ZFPM1: variants seen among roughly 807,000 people sequenced by gnomAD.
ZFPM1 encodes the protein zinc finger protein, FOG family member 1.
Under a neutral mutation model 46.3 loss-of-function variants are expected in ZFPM1, and 28 were observed. The observed-to-expected ratio is 0.60, with a 90% CI of 0.45 to 0.83. The LOEUF is 0.83. ZFPM1 is among the 40% of genes least tolerant of loss of function. The pLI, the probability that ZFPM1 is intolerant of heterozygous loss-of-function variation, is 0.00. For synonymous variants in ZFPM1, 957 were observed against 675.9 expected, an observed-to-expected ratio of 1.42 and a Z score of -6.45; for missense variants, 1,878 against 1,432.4, an observed-to-expected ratio of 1.31 and a Z score of -5.02.
At chr16:88,519,048 A>AGATGGATGGATGGATG (rs371844825) in intron 4 of ZFPM1, among the ~76,000 whole-genome samples, 8 of 107,924 alleles carry the variant, frequency 7.4e-5, no homozygotes, top group East Asian at 3.3e-4. Context: ...GTGGATGGAT[A>AGATGGATGGATGGATG]GATGGATGGA....
intron 1 of ZFPM1, among the ~76,000 whole-genome samples, chr16:88,462,001 A>C (rs556425881): frequency 6.6e-6 from 1 of 152,306 alleles, no homozygotes; most frequent in African/African-American, 2.4e-5. Context: ...CACCAGCCCT[A>C]CTGCATCGGC....
chr16:88,495,333 C>G (rs1020503444), intron 3 of ZFPM1, among the ~76,000 whole-genome samples: 1 of 152,188 alleles, frequency 6.6e-6, no homozygotes, highest in Non-Finnish European at 1.5e-5. Context: ...GAATCCCCTC[C>G]CCTGGAACAG....
At chr16:88,495,371 G>C (rs1032191727) in intron 3 of ZFPM1, among the ~76,000 whole-genome samples, 17 of 152,234 alleles carry the variant, frequency 1.1e-4, no homozygotes, top group African/African-American at 3.9e-4. Context: ...CTGTGAGGCT[G>C]GGCAGAACTG....
chr16:88,487,687 G>T (rs2142375429), intron 2 of ZFPM1, among the ~76,000 whole-genome samples: 1 of 152,206 alleles, frequency 6.6e-6, no homozygotes, highest in East Asian at 1.9e-4. Flanking sequence ...CGCTGGGTGG[G>T]CCGCGGCCCC....
intron 1 of ZFPM1, among the ~76,000 whole-genome samples, chr16:88,456,098 G>A (rs940223332): frequency 1.3e-5 from 2 of 152,276 alleles, no homozygotes; most frequent in Non-Finnish European, 2.9e-5. Flanking sequence ...GGGAGCCGGC[G>A]TCCCTGCGCT....
intron 1 of ZFPM1, among the ~76,000 whole-genome samples, chr16:88,483,502 T>A: frequency 6.6e-6 from 1 of 152,082 alleles, no homozygotes; most frequent in East Asian, 1.9e-4. Context: ...GGGGCTGGTC[T>A]CACAACAACC....
At chr16:88,499,352 G>A (rs182875354) in intron 3 of ZFPM1, among the ~76,000 whole-genome samples, 324 of 152,360 alleles carry the variant, frequency 2.1e-3, no homozygotes, top group Middle Eastern at 0.01. Context: ...GGGATGCAGC[G>A]TGAGGAAAAC....
chr16:88,460,435 G>C (rs1907765638), intron 1 of ZFPM1, among the ~76,000 whole-genome samples: 1 of 152,204 alleles, frequency 6.6e-6, no homozygotes, highest in African/African-American at 2.4e-5. Flanking sequence ...TGCCTCGGTT[G>C]GTTCAATGGG....
chr16:88,526,948 C>G (rs763065291), intron 5 of ZFPM1, 32 bp downstream of exon 5: 3 of 1,538,338 alleles, frequency 2.0e-6, no homozygotes, highest in Admixed American at 2.0e-5. Flanking sequence ...CGTCCCAAGC[C>G]TTCCGGAAGG....
chr16:88,473,988 C>T (rs923343904), intron 1 of ZFPM1, among the ~76,000 whole-genome samples: 7 of 152,228 alleles, frequency 4.6e-5, no homozygotes, highest in African/African-American at 1.4e-4. Context: ...TCAGGCCCAT[C>T]GGAGGGCCGG....
Position 88,497,482 on chromosome 16 carries a change from G to A in ZFPM1, c.268+8329G>A, listed in dbSNP as rs1406267330. On this transcript the variant is annotated intron_variant, in intron 3 of 9. Coordinates refer to ENST00000319555, the MANE Select transcript of ZFPM1 (RefSeq NM_153813.3). This position sits in a 1 kb window ranked among gnomAD's most constrained non-coding sequence, Gnocchi z 5.4. ...GGGGTCAGGGTGGGGCTCAGGGCCC[G>A]GGCGGGGATGGGGTTCAGAGGGGTC... Among the ~76,000 whole-genome samples, 3 of 147,214 alleles carry A rather than the reference G, an allele frequency of 2.0e-5. No individual in the cohort carries two copies. Among genetic ancestry groups the A allele is most frequent in the South Asian group, 2.2e-4 (1 of 4,486 alleles).
chr16:88,480,412 A>T lies in ZFPM1; in HGVS notation c.41-5527A>T, dbSNP rs1486765646. 6.6e-6 allele frequency among the ~76,000 whole-genome samples: 1 copy of T among 152,128 alleles called. No individual in the cohort carries two copies. The highest frequency in any genetic ancestry group is 2.4e-5 in the African/African-American group (1 of 41,428). ...GAGTGTGTGAGGGGACGGGTGAGTGAGGGAGCGGATGAAAGAGTGAAGGAA... is the reference window on the plus strand; with the variant it reads ...GAGTGTGTGAGGGGACGGGTGAGTGTGGGAGCGGATGAAAGAGTGAAGGAA... On this transcript the variant is annotated intron_variant, in intron 1 of 9. Transcript: ENST00000319555. This position sits in a 1 kb window ranked among gnomAD's most constrained non-coding sequence, Gnocchi z 4.9.
Position 88,534,651 on chromosome 16 carries a change from G to T in ZFPM1, c.2693G>T (p.Arg898Leu). The change falls in exon 10 of 10, where the codon CGC (arginine) becomes CTC (leucine). Residue 898 changes from arginine to leucine, a missense_variant. Physicochemically the swap from Arg to Leu is moderately radical, Grantham distance 102 (BLOSUM62 -2). Coordinates refer to ENST00000319555, the MANE Select transcript of ZFPM1 (RefSeq NM_153813.3). ...PGVEARTPAD[R>L]GPSPAPAPAA... ...GTCGAGGCCCGGACGCCGGCCGACC[G>T]CGGCCCCTCGCCCGCTCCCGCCCCC... is the stretch of plus-strand genomic sequence containing the variant. The T allele has an allele frequency of 9.8e-7, 1 of 1,016,330 alleles. No individual in the cohort carries two copies. Among genetic ancestry groups the T allele is most frequent in the Non-Finnish European group, 1.2e-6 (1 of 853,184 alleles). The allele number at this position is 1,016,330 out of a possible 1,614,324, so 63.0% of individuals were successfully genotyped here. A position where few individuals can be genotyped will look rare whatever the true frequency, so the allele number is the denominator to read the frequency against.
chr16:88,478,775 G>C (rs1380621986), intron 1 of ZFPM1, among the ~76,000 whole-genome samples: 1 of 152,258 alleles, frequency 6.6e-6, no homozygotes. Flanking sequence ...GAGGGGGCAG[G>C]GGGTGCTGAG....
At chr16:88,520,613 AT>A (rs1350172501) in intron 4 of ZFPM1, among the ~76,000 whole-genome samples, 1 of 81,432 alleles carries the variant, frequency 1.2e-5, no homozygotes, top group Non-Finnish European at 2.4e-5. Flanking sequence ...TGGATGGATG[AT>A]TAGGTGGGTG....
At chr16:88,521,664 G>A (rs1911899304) in intron 4 of ZFPM1, among the ~76,000 whole-genome samples, 2 of 101,564 alleles carry the variant, frequency 2.0e-5, no homozygotes, top group Admixed American at 2.6e-4. Flanking sequence ...CCCCTGTGCT[G>A]TTCCCCCAAC....
rs1466679622 is a variant in ZFPM1, at chr16:88,533,683, G to T, written c.1725G>T (p.Lys575Asn). ...CCGGGCTCTTCCCCGGGGCCCCCAA[G>T]GGCGCTACGTGCTTCGAGTGCGAGA... ...AQTGLFPGAPKGATCFECEIT... is the reference protein window; with the variant it reads ...AQTGLFPGAPNGATCFECEIT... Residue 575 changes from lysine (K) to asparagine (N), a missense_variant, in exon 10 of 10, where the codon AAG becomes AAT. By Grantham distance (94) the Lys-to-Asn change is moderately conservative (BLOSUM62 0). Transcript: ENST00000319555. 6.7e-7 allele frequency: 1 copy of T among 1,497,650 alleles called. No homozygotes were observed. The highest frequency in any genetic ancestry group is 2.1e-5 in the Admixed American group (1 of 47,466). 92.8% of individuals were successfully genotyped at this position (1,497,650 alleles called of 1,614,324 possible). A position where few individuals can be genotyped will look rare whatever the true frequency, so the allele number is the denominator to read the frequency against.
chr16:88,506,801 C>G (rs1910687211), intron 3 of ZFPM1, among the ~76,000 whole-genome samples: 1 of 152,210 alleles, frequency 6.6e-6, no homozygotes, highest in South Asian at 2.1e-4. Context: ...GAGCCCTCAT[C>G]AGGCCCCCAG....
At chr16:88,524,769 T>C (rs1299861230) in intron 4 of ZFPM1, among the ~76,000 whole-genome samples, 1 of 152,204 alleles carries the variant, frequency 6.6e-6, no homozygotes, top group African/African-American at 2.4e-5. Context: ...AATGGTGGGC[T>C]TCGGGTGGGT....
Sources: allele counts gnomAD v4.1 joint callset (sites outside exome capture counted in the v4.1 genomes callset), GRCh38; gene constraint gnomAD v4.1.1; non-coding constraint Gnocchi (gnomAD v3.1); transcripts MANE v1.5; gene names NCBI Gene and HGNC (gene_info 2026-07-23, HGNC 2026-07-21).